CSF2RB: variants seen among roughly 807,000 people sequenced by gnomAD.
The protein encoded by CSF2RB is colony stimulating factor 2 receptor subunit beta, also known as cytokine receptor common subunit beta.
CSF2RB carries 22 observed loss-of-function variants against 67.2 expected under a neutral mutation model. That is an observed-to-expected ratio of 0.33 (90% CI 0.23 to 0.47). The LOEUF (loss-of-function observed/expected upper bound fraction) is 0.47, where lower values mean the gene tolerates loss of function less well. Ranked by LOEUF, CSF2RB falls within the 20% of genes least tolerant of loss-of-function variation. The pLI is 1.00. For missense variants in CSF2RB, 1,113 were observed against 1,174.5 expected (o/e 0.95, Z 0.76); for synonymous variants, 507 against 482.9 (o/e 1.05, Z -0.65).
At chr22:36,918,957 G>T (rs1436435390) in intron 1 of CSF2RB, among the ~76,000 whole-genome samples, 1 of 152,186 alleles carries the variant, frequency 6.6e-6, no homozygotes, top group East Asian at 1.9e-4. Context: ...AAGGAAGAAA[G>T]ACAGAGGGAC....
At chr22:36,925,061 A>G (rs1163784561) in intron 3 of CSF2RB, among the ~76,000 whole-genome samples, 2 of 152,166 alleles carry the variant, frequency 1.3e-5, no homozygotes, top group Admixed American at 6.5e-5. Flanking sequence ...GTCCTCAACC[A>G]AAGTCCCGCT....
intron 4 of CSF2RB, among the ~76,000 whole-genome samples, chr22:36,927,324 T>A (rs1941038205): frequency 6.6e-6 from 1 of 152,010 alleles, no homozygotes; most frequent in African/African-American, 2.4e-5. Flanking sequence ...GGGGAAACAC[T>A]GTATGCCGTC....
intron 1 of CSF2RB, among the ~76,000 whole-genome samples, chr22:36,919,978 GA>G (rs1569130207): frequency 1.3e-5 from 2 of 152,232 alleles, no homozygotes; most frequent in Non-Finnish European, 2.9e-5. Flanking sequence ...GTCAGGGACA[GA>G]GTCTAGAGGC....
chr22:36,923,883 G>A, intron 3 of CSF2RB: 1 of 946,982 alleles, frequency 1.1e-6, no homozygotes, highest in Non-Finnish European at 1.5e-6. Flanking sequence ...GTGTCTGGGA[G>A]GGGGCTCCGC....
At position 36,933,843 on chromosome 22, in the gene CSF2RB, C is replaced by T. The variant is rs762005176; in HGVS notation, c.1164C>T (p.Thr388=). ...KDTATWKDSK[T]ETLQNAHSMA... is the part of the protein sequence containing the mutation. Reference sequence around the variant, plus strand: ...GTGCCAACCCACAGGACAGCAAGACCGAGACCCTCCAGAACGCCCACAGCA... The same window carrying T: ...GTGCCAACCCACAGGACAGCAAGACTGAGACCCTCCAGAACGCCCACAGCA... Residue 388 remains threonine, a synonymous_variant, in exon 10 of 14, where the codon ACC becomes ACT. Transcript: ENST00000403662. The T allele has an allele frequency of 1.4e-5, 23 of 1,608,010 alleles. No homozygotes were observed. The highest frequency in any genetic ancestry group is 8.8e-5 in the South Asian group (8 of 90,760).
rs184668703 is a variant in CSF2RB at position 36,939,624 on chromosome 22, A to C, written c.*1122A>C. 73 of 197,244 alleles carry C rather than the reference A, an allele frequency of 3.7e-4. No homozygotes were observed. Among genetic ancestry groups the C allele is most frequent in the African/African-American group, 1.6e-3 (69 of 43,694 alleles). The allele number at this position is 197,244 out of a possible 1,614,324, so 12.2% of individuals were successfully genotyped here. A position where few individuals can be genotyped will look rare whatever the true frequency, so the allele number is the denominator to read the frequency against. ...ACATATTTTTATAGGTATCTTAGGCATCGATTGGTATTTTTTAACTGGGCC... is the reference window on the plus strand; with the variant it reads ...ACATATTTTTATAGGTATCTTAGGCCTCGATTGGTATTTTTTAACTGGGCC... On this transcript the variant is annotated 3_prime_UTR_variant, in exon 14 of 14. Coordinates refer to ENST00000403662, the MANE Select transcript of CSF2RB (RefSeq NM_000395.3).
chr22:36,915,756 A>G (rs1940703876), intron 1 of CSF2RB, among the ~76,000 whole-genome samples: 1 of 152,240 alleles, frequency 6.6e-6, no homozygotes, highest in South Asian at 2.1e-4. Flanking sequence ...AAGGTAGTGC[A>G]TAAAGGGTCC....
At chr22:36,927,309 A>G (rs1215596073) in intron 4 of CSF2RB, among the ~76,000 whole-genome samples, 2 of 152,076 alleles carry the variant, frequency 1.3e-5, no homozygotes, top group Non-Finnish European at 1.5e-5. Context: ...CCCAGGCTGG[A>G]GGGAGGGGAA....
chr22:36,938,342 G>A lies in CSF2RB; in HGVS notation c.2534G>A (p.Gly845Asp). 1.2e-6 allele frequency: 2 copies of A among 1,614,172 alleles called. No homozygotes were observed. The highest frequency in any genetic ancestry group is 1.7e-6 in the Non-Finnish European group (2 of 1,180,024). Residue 845 changes from glycine (G) to aspartate (D), a missense_variant, in exon 14 of 14, where the codon GGT (glycine) becomes GAT (aspartate). Coordinates refer to ENST00000403662, the MANE Select transcript of CSF2RB (RefSeq NM_000395.3). ...AGTAAACCTTCTTCCCCGGGACCCG[G>A]TCCTGAGATCAAGAACCTAGACCAG... is the stretch of plus-strand genomic sequence containing the variant. ...LRSKPSSPGPGPEIKNLDQAF... is the reference protein window; with the variant it reads ...LRSKPSSPGPDPEIKNLDQAF...
intron 4 of CSF2RB, among the ~76,000 whole-genome samples, chr22:36,926,488 G>A (rs6000490): frequency 0.026 from 4,027 of 152,338 alleles, 206 homozygotes; most frequent in African/African-American, 0.093. Flanking sequence ...AACTCTGTCC[G>A]CTTAGTTGTT....
intron 1 of CSF2RB, among the ~76,000 whole-genome samples, chr22:36,919,560 G>A (rs1387692795): frequency 5.3e-5 from 7 of 133,114 alleles, no homozygotes; most frequent in Admixed American, 2.5e-4. Context: ...CGCCACCATG[G>A]CCAGCTATTT....
chr22:36,930,677 G>A lies in CSF2RB; in HGVS notation c.859G>A (p.Glu287Lys), dbSNP rs774127718. 1 of 1,612,586 alleles carries A rather than the reference G, an allele frequency of 6.2e-7. No homozygotes were observed. The highest frequency in any genetic ancestry group is 8.5e-7 in the Non-Finnish European group (1 of 1,180,006). The change falls in exon 8 of 14, where the codon GAA (glutamate) becomes AAA (lysine). Residue 287 changes from glutamate (E) to lysine (K), a missense_variant. By Grantham distance (56) the Glu-to-Lys change is moderately conservative. Transcript: ENST00000403662. ...FYKPSPDAGE[E>K]ECSPVLREGL... ...CAGCTCTGCTGTGCTCCTCAGGGAG[G>A]AAGAGTGCTCCCCAGTGCTGAGGGA...
At position 36,926,470 on chromosome 22, in the gene CSF2RB, A is replaced by G. The variant is rs542582525; in HGVS notation, c.391+293A>G. On this transcript the variant is annotated intron_variant, in intron 4 of 13. Coordinates refer to ENST00000403662, the MANE Select transcript of CSF2RB (RefSeq NM_000395.3). The stretch of plus-strand genomic sequence containing the variant: ...TCACCACTCACTTAGAAACCTACCA[A>G]GTTAGAAAACTCTGTCCGCTTAGTT... Among the ~76,000 whole-genome samples, 25 of 152,350 alleles carry G rather than the reference A, an allele frequency of 1.6e-4. No individual in the cohort carries two copies. The South Asian group carries it at 5.2e-3, about 32-fold the overall frequency.
At chr22:36,918,956 A>G (rs931025510) in intron 1 of CSF2RB, among the ~76,000 whole-genome samples, 1 of 152,226 alleles carries the variant, frequency 6.6e-6, no homozygotes, top group Non-Finnish European at 1.5e-5. Context: ...GAAGGAAGAA[A>G]GACAGAGGGA....
Position 36,937,986 on chromosome 22 carries a change from G to A in CSF2RB, c.2178G>A (p.Ser726=), listed in dbSNP as rs762280862. The part of the protein sequence containing the change: ...DLVFTPNSGA[S]SVSLVPSLGL... ...TATTCACCCCAAACTCAGGGGCCTCGTCTGTCTCCCTAGTTCCCTCTCTGG... is the reference window on the plus strand; with the variant it reads ...TATTCACCCCAAACTCAGGGGCCTCATCTGTCTCCCTAGTTCCCTCTCTGG... The change falls in exon 14 of 14, where the codon TCG becomes TCA. Residue 726 remains serine, a synonymous_variant. Coordinates refer to ENST00000403662, the MANE Select transcript of CSF2RB (RefSeq NM_000395.3). The surrounding 1 kb of genome is among the most constrained non-coding windows in gnomAD (Gnocchi z 4.6). The A allele has an allele frequency of 4.9e-5, 79 of 1,613,996 alleles. No individual in the cohort carries two copies. The highest frequency in any genetic ancestry group is 3.3e-4 in the Middle Eastern group (2 of 6,084).
chr22:36,933,124 C>T lies in CSF2RB; in HGVS notation c.1152+220C>T, dbSNP rs531862830. Among the ~76,000 whole-genome samples the T allele has an allele frequency of 4.6e-5, 7 of 152,318 alleles. No homozygotes were observed. The South Asian group carries it at 1.2e-3, about 27-fold the overall frequency. Reference sequence around the variant, plus strand: ...TGGAAAAGTGGCGTGGCTTGGCCAACGTGAACAGCTGACCCTGAGTCCCCA... The same window carrying T: ...TGGAAAAGTGGCGTGGCTTGGCCAATGTGAACAGCTGACCCTGAGTCCCCA... On this transcript the variant is annotated intron_variant, in intron 9 of 13. Transcript: ENST00000403662.
At chr22:36,933,760 T>C (rs1039092380) in intron 9 of CSF2RB, 72 bp from the exon 10 acceptor site, 32 of 1,537,728 alleles carry the variant, frequency 2.1e-5, no homozygotes, top group African/African-American at 5.5e-5. Flanking sequence ...AAGCCGAGGG[T>C]CCAGGTGGGA....
intron 6 of CSF2RB, 59 bp from the exon 7 acceptor site, chr22:36,930,316 C>T (rs746694766): frequency 3.2e-5 from 51 of 1,610,164 alleles, no homozygotes; most frequent in Non-Finnish European, 3.5e-5. Flanking sequence ...GGTGGGCACC[C>T]ACTGAGAGCT....
At chr22:36,932,641 AACC>A (rs1002295352) in intron 8 of CSF2RB, 121 bp from the exon 9 acceptor site, 1 of 1,155,908 alleles carries the variant, frequency 8.7e-7, no homozygotes, top group African/African-American at 1.5e-5. Flanking sequence ...AAAAGGATCC[AACC>A]ATGGGCAGAA....
Sources: allele counts gnomAD v4.1 joint callset (sites outside exome capture counted in the v4.1 genomes callset), GRCh38; gene constraint gnomAD v4.1.1; non-coding constraint Gnocchi (gnomAD v3.1); transcripts MANE v1.5; gene names NCBI Gene and HGNC (gene_info 2026-07-23, HGNC 2026-07-21).